CTNNAL1: variants seen among roughly 807,000 people sequenced by gnomAD.
CTNNAL1 encodes the protein catenin alpha like 1.
Under a neutral mutation model 93.6 loss-of-function variants are expected in CTNNAL1, and 69 were observed. That is an observed-to-expected ratio of 0.74 (90% CI 0.61 to 0.90). The LOEUF (loss-of-function observed/expected upper bound fraction) is 0.90. CTNNAL1 is among the 40% of genes least tolerant of loss of function. CTNNAL1 has a pLI of 0.00. For missense variants in CTNNAL1, 836 were observed against 862.0 expected, an observed-to-expected ratio of 0.97 and a Z score of 0.38; for synonymous variants, 286 against 305.4, an observed-to-expected ratio of 0.94 and a Z score of 0.66.
chr9:108,967,152 TG>T (rs1830976670), intron 10 of CTNNAL1, among the ~76,000 whole-genome samples: 1 of 152,182 alleles, frequency 6.6e-6, no homozygotes, highest in Non-Finnish European at 1.5e-5. Flanking sequence ...GAATCCACTA[TG>T]TGAAAAAATC....
intron 1 of CTNNAL1, 78 bp downstream of exon 1, chr9:109,013,224 T>A (rs1827265433): frequency 7.2e-7 from 1 of 1,387,732 alleles, no homozygotes. Flanking sequence ...CTGCCTCCCG[T>A]CCGGTCGTGC....
At chr9:108,944,067 G>A (rs1353450375) in intron 15 of CTNNAL1, 49 bp from the exon 16 acceptor site, 1 of 1,493,976 alleles carries the variant, frequency 6.7e-7, no homozygotes, top group Admixed American at 1.9e-5. Flanking sequence ...TCTATGGATA[G>A]TTGGTAAGAA....
At position 108,972,821 on chromosome 9, in the gene CTNNAL1, C is replaced by A. The variant is rs770498484; in HGVS notation, c.1201G>T (p.Ala401Ser). 39 of 1,265,068 alleles carry A rather than the reference C, an allele frequency of 3.1e-5. No individual in the cohort carries two copies. The highest frequency in any genetic ancestry group is 3.4e-5 in the Non-Finnish European group (33 of 967,774). The allele number at this position is 1,265,068 out of a possible 1,614,324, so 78.4% of individuals were successfully genotyped here. Residue 401 changes from alanine (A) to serine (S), a missense_variant, in exon 9 of 19, where the codon GCG becomes TCG. Coordinates refer to ENST00000325551, the MANE Select transcript of CTNNAL1 (RefSeq NM_003798.4). ...AATAGATCTGCTGCCAGCTGTGTCGCTGTACTATGAAGCTGCAGATGTGTG... is the reference window on the plus strand; with the variant it reads ...AATAGATCTGCTGCCAGCTGTGTCGATGTACTATGAAGCTGCAGATGTGTG... ...NELKKELHST[A>S]TQLAADLLKY...
chr9:108,952,062 AC>A (rs1386042778), intron 14 of CTNNAL1, 146 bp downstream of exon 14: 3 of 620,102 alleles, frequency 4.8e-6, no homozygotes, highest in Non-Finnish European at 8.0e-6. Flanking sequence ...GCATTCACTT[AC>A]GTAAATTGTC....
At chr9:108,978,611 T>C (rs528252605) in intron 7 of CTNNAL1, among the ~76,000 whole-genome samples, 2 of 152,332 alleles carry the variant, frequency 1.3e-5, no homozygotes, top group East Asian at 1.9e-4. Context: ...CTATAAGAGA[T>C]TGTGTACACA....
At chr9:108,982,885 C>T (rs377450901) in intron 6 of CTNNAL1, among the ~76,000 whole-genome samples, 3 of 152,246 alleles carry the variant, frequency 2.0e-5, no homozygotes, top group Admixed American at 6.5e-5. Flanking sequence ...TGAGACCAGC[C>T]TGGCCAACAT....
chr9:108,972,864 G>GGCGCCCCC, intron 8 of CTNNAL1, 31 bp from the exon 9 acceptor site: 2 of 142,588 alleles, frequency 1.4e-5, no homozygotes, highest in East Asian at 2.2e-4. Flanking sequence ...GGGGGGGTGG[G>GGCGCCCCC]AGGGTGGAGA....
chr9:108,992,447 G>A (rs2132177691), intron 3 of CTNNAL1, among the ~76,000 whole-genome samples, 185 bp downstream of exon 3: 2 of 151,414 alleles, frequency 1.3e-5, no homozygotes, highest in South Asian at 2.1e-4. Flanking sequence ...GGAACCCAGG[G>A]CCACAAGTGC....
At chr9:108,994,760 G>T (rs1473238561) in intron 2 of CTNNAL1, among the ~76,000 whole-genome samples, 1 of 152,184 alleles carries the variant, frequency 6.6e-6, no homozygotes, top group Non-Finnish European at 1.5e-5. Flanking sequence ...TATGGTGGAA[G>T]TGGTGGTATG....
At chr9:108,979,722 A>T (rs569723935) in intron 6 of CTNNAL1, among the ~76,000 whole-genome samples, 1 of 152,358 alleles carries the variant, frequency 6.6e-6, no homozygotes, top group African/African-American at 2.4e-5. Context: ...TGACATTGCT[A>T]TGAGATCAGT....
At chr9:108,951,208 G>T (rs1460733010) in intron 14 of CTNNAL1, among the ~76,000 whole-genome samples, 1 of 150,952 alleles carries the variant, frequency 6.6e-6, no homozygotes, top group Non-Finnish European at 1.5e-5. Context: ...GTAGACACCG[G>T]GTTTCAGTGT....
chr9:108,980,375 G>A (rs931399492), intron 6 of CTNNAL1, among the ~76,000 whole-genome samples: 1 of 152,128 alleles, frequency 6.6e-6, no homozygotes, highest in African/African-American at 2.4e-5. Flanking sequence ...CAGACAACTT[G>A]GGCCAAGAGG....
intron 8 of CTNNAL1, 31 bp from the exon 9 acceptor site, chr9:108,972,864 G>GGGGGGGGCGCCCCCCCCCCCC: frequency 7.0e-6 from 1 of 142,580 alleles, no homozygotes; most frequent in South Asian, 1.2e-4. Flanking sequence ...GGGGGGGTGG[G>GGGGGGGGCGCCCCCCCCCCCC]AGGGTGGAGA....
At chr9:108,990,987 G>A (rs537771317) in intron 3 of CTNNAL1, 142 bp from the exon 4 acceptor site, 1 of 860,166 alleles carries the variant, frequency 1.2e-6, no homozygotes, top group Admixed American at 3.3e-5. Context: ...AGACACACAA[G>A]GGGATGCTCA....
chr9:108,951,228 G>C (rs1183063167), intron 14 of CTNNAL1, among the ~76,000 whole-genome samples: 1 of 150,696 alleles, frequency 6.6e-6, no homozygotes, highest in Admixed American at 6.6e-5. Flanking sequence ...TGTTAACCAG[G>C]ATGGTCTCGA....
At chr9:108,947,175 G>C (rs184653609) in intron 15 of CTNNAL1, among the ~76,000 whole-genome samples, 1 of 148,982 alleles carries the variant, frequency 6.7e-6, no homozygotes. Flanking sequence ...GTGCAGTGGC[G>C]TGATCTCAGC....
chr9:108,957,417 GC>G (rs1452637576), intron 11 of CTNNAL1, among the ~76,000 whole-genome samples: 1 of 152,126 alleles, frequency 6.6e-6, no homozygotes, highest in African/African-American at 2.4e-5. Flanking sequence ...ACTGTGCCTA[GC>G]CTAGGAAATT....
intron 5 of CTNNAL1, among the ~76,000 whole-genome samples, chr9:108,983,606 T>G (rs1312674420): frequency 2.0e-5 from 3 of 152,200 alleles, no homozygotes; most frequent in African/African-American, 7.2e-5. Context: ...AAAACTATTT[T>G]AAATGTTGCC....
At chr9:108,969,224 C>T (rs777601820) in intron 10 of CTNNAL1, among the ~76,000 whole-genome samples, 48 of 151,434 alleles carry the variant, frequency 3.2e-4, no homozygotes, top group Non-Finnish European at 5.3e-4. Flanking sequence ...GAGCCAAGAT[C>T]GCGCCACTGC....
Sources: gnomAD v4.1 joint callset for allele counts (sites outside exome capture counted in the v4.1 genomes callset) on GRCh38, gnomAD v4.1.1 for gene constraint, MANE v1.5 for transcripts, NCBI Gene and HGNC (gene_info 2026-07-23, HGNC 2026-07-21) for gene names.